MTUS1: variants seen among roughly 807,000 people sequenced by gnomAD.
MTUS1 encodes the protein microtubule associated scaffold protein 1.
Under a neutral mutation model 120.8 loss-of-function variants are expected in MTUS1, and 109 were observed. The ratio of observed to expected loss-of-function variants is 0.90; its 90% CI spans 0.77 to 1.06. MTUS1 has a LOEUF of 1.06. MTUS1 is among the 50% of genes least tolerant of loss of function. The probability of loss-of-function intolerance (pLI) is 0.00; values close to 1 mark genes in which losing one functional copy is unlikely to be tolerated. For synonymous variants in MTUS1, 737 were observed against 550.5 expected (o/e 1.34, Z -4.74); for missense variants, 2,210 against 1,486.3 (o/e 1.49, Z -8.01).
intron 3 of MTUS1, among the ~76,000 whole-genome samples, chr8:17,743,311 T>C (rs534459748): frequency 1.3e-5 from 2 of 152,270 alleles, no homozygotes; most frequent in South Asian, 4.1e-4. Context: ...TTGAAAAAAC[T>C]TAATGAAATG....
At chr8:17,703,748 C>G (rs1284135035) in intron 6 of MTUS1, among the ~76,000 whole-genome samples, 2 of 152,020 alleles carry the variant, frequency 1.3e-5, no homozygotes, top group Non-Finnish European at 2.9e-5. Context: ...CAGACCGGTT[C>G]TCTGCTCTCA....
At chr8:17,664,374 AGAT>A (rs1352623087) in intron 8 of MTUS1, among the ~76,000 whole-genome samples, 1 of 152,122 alleles carries the variant, frequency 6.6e-6, no homozygotes, top group Non-Finnish European at 1.5e-5. Flanking sequence ...CAGGAAAAAG[AGAT>A]GATTCCATTC....
At chr8:17,715,621 G>T (rs1667602804) in intron 5 of MTUS1, 146 bp downstream of exon 5, 1 of 879,476 alleles carries the variant, frequency 1.1e-6, no homozygotes, top group Non-Finnish European at 1.7e-6. Flanking sequence ...TTTCCTCAGT[G>T]CAAAAATGTA....
intron 8 of MTUS1, among the ~76,000 whole-genome samples, chr8:17,669,452 G>A (rs1811563895): frequency 6.6e-6 from 1 of 151,744 alleles, no homozygotes; most frequent in Non-Finnish European, 1.5e-5. Flanking sequence ...ACGTGAATTT[G>A]GACTGGAAGA....
intron 8 of MTUS1, among the ~76,000 whole-genome samples, chr8:17,666,714 A>G (rs1810990393): frequency 6.6e-6 from 1 of 152,222 alleles, no homozygotes; most frequent in East Asian, 1.9e-4. Flanking sequence ...ACCTGAGGAC[A>G]CTAGGGCCAG....
rs762374592 is a variant in MTUS1 at position 17,754,703 on chromosome 8, G to C, written c.1105C>G (p.His369Asp). 1 of 1,614,198 alleles carries C rather than the reference G, an allele frequency of 6.2e-7. No individual in the cohort carries two copies. Among genetic ancestry groups the C allele is most frequent in the Non-Finnish European group, 8.5e-7 (1 of 1,180,040 alleles). The change falls in exon 2 of 15, where the codon CAT (histidine) becomes GAT (aspartate). Residue 369 changes from histidine (H) to aspartate (D), a missense_variant. His to Asp is a moderately conservative substitution (Grantham distance 81, BLOSUM62 -1). Transcript: ENST00000693296. ...GTGTCTTCAGTCTCAGTGACTTTAT[G>C]CTCTGGGTTCAGCACTTGAGCTTCG... ...KSEAQVLNPE[H>D]KVTETEDTQM... is the part of the protein sequence containing the mutation.
At chr8:17,662,475 C>T (rs1165687035) in intron 8 of MTUS1, among the ~76,000 whole-genome samples, 2 of 151,326 alleles carry the variant, frequency 1.3e-5, no homozygotes, top group Admixed American at 6.6e-5. Flanking sequence ...CTTGCCACAG[C>T]CTCCCGAGTA....
intron 1 of MTUS1, among the ~76,000 whole-genome samples, chr8:17,763,901 C>A (rs2049250614): frequency 6.6e-6 from 1 of 151,862 alleles, no homozygotes. Flanking sequence ...TCTTATGTGA[C>A]CACACAGATG....
At chr8:17,656,756 G>A (rs1022136233) in intron 8 of MTUS1, among the ~76,000 whole-genome samples, 1 of 151,968 alleles carries the variant, frequency 6.6e-6, no homozygotes, top group Admixed American at 6.5e-5. Context: ...TCACACAAGA[G>A]CAGGAAAGAC....
At position 17,645,279 on chromosome 8, in the gene MTUS1, C is replaced by G. The variant is rs891642339; in HGVS notation, c.*647G>C. 6.6e-6 allele frequency: 1 copy of G among 152,620 alleles called. No homozygotes were observed. Among genetic ancestry groups the G allele is most frequent in the African/African-American group, 2.4e-5 (1 of 41,442 alleles). The allele number at this position is 152,620 out of a possible 1,614,324, so 9.5% of individuals were successfully genotyped here. A position where few individuals can be genotyped will look rare whatever the true frequency, so the allele number is the denominator to read the frequency against. On this transcript the variant is annotated 3_prime_UTR_variant, in exon 15 of 15. Coordinates refer to ENST00000693296, the MANE Select transcript of MTUS1 (RefSeq NM_001363059.2). ...AGACAGGGACAAGTCAAAGCTCTTCCTGTTATACCCTCTCCCTACCCTGTT... is the reference window on the plus strand; with the variant it reads ...AGACAGGGACAAGTCAAAGCTCTTCGTGTTATACCCTCTCCCTACCCTGTT...
At chr8:17,756,679 C>CCCCA (rs58787907) in intron 1 of MTUS1, among the ~76,000 whole-genome samples, 6 of 123,516 alleles carry the variant, frequency 4.9e-5, no homozygotes, top group African/African-American at 1.8e-4. Flanking sequence ...AAACCCCCAC[C>CCCCA]CCTTATGTAA....
chr8:17,797,934 C>A (rs2052378379), intron 1 of MTUS1, among the ~76,000 whole-genome samples: 1 of 152,092 alleles, frequency 6.6e-6, no homozygotes, highest in African/African-American at 2.4e-5. Context: ...TTCCCCCGCC[C>A]CCCCAAATAA....
intron 1 of MTUS1, among the ~76,000 whole-genome samples, chr8:17,790,540 T>C (rs552199624): frequency 2.0e-5 from 3 of 152,012 alleles, no homozygotes; most frequent in Non-Finnish European, 4.4e-5. Context: ...GAATTCATGA[T>C]TGTAATGATC....
intron 1 of MTUS1, among the ~76,000 whole-genome samples, chr8:17,788,156 T>G (rs2051464033): frequency 6.6e-6 from 1 of 152,110 alleles, no homozygotes; most frequent in African/African-American, 2.4e-5. Flanking sequence ...GATGGACACA[T>G]TCTGTATCTT....
At chr8:17,746,150 G>C (rs1021464520) in intron 2 of MTUS1, among the ~76,000 whole-genome samples, 2 of 152,086 alleles carry the variant, frequency 1.3e-5, no homozygotes, top group Admixed American at 6.5e-5. Context: ...GACTGATACA[G>C]CTAGTCTTCA....
rs543337681 is a variant in MTUS1, at chr8:17,687,442, C to T, written c.2624-2900G>A. ...TAAATCCTGCAGGATTCATTACTAA[C>T]GTGAAATTAGCATATTATCAGCCAA... On this transcript the variant is annotated intron_variant, in intron 6 of 14. Coordinates refer to ENST00000693296, the MANE Select transcript of MTUS1 (RefSeq NM_001363059.2). Among the ~76,000 whole-genome samples, 132 of 152,250 alleles carry T rather than the reference C, an allele frequency of 8.7e-4. 1 individual carries two copies. The highest frequency in any genetic ancestry group is 2.8e-3 in the African/African-American group (115 of 41,542).
chr8:17,663,509 A>T (rs1221712230), intron 8 of MTUS1, among the ~76,000 whole-genome samples: 1 of 152,228 alleles, frequency 6.6e-6, no homozygotes, highest in Non-Finnish European at 1.5e-5. Context: ...AGCCAAAATT[A>T]CTTGGGTTCA....
intron 2 of MTUS1, among the ~76,000 whole-genome samples, chr8:17,751,622 G>A (rs549473294): frequency 1.3e-5 from 2 of 152,062 alleles, no homozygotes; most frequent in Admixed American, 6.5e-5. Flanking sequence ...CACTTTGGGA[G>A]GCCGAGGCAG....
intron 1 of MTUS1, chr8:17,800,471 A>C (rs2052592674): frequency 6.6e-6 from 1 of 152,214 alleles, no homozygotes; most frequent in South Asian, 2.1e-4. Flanking sequence ...TCCTAGTCCC[A>C]AATTACTCCA....
Sources: gnomAD v4.1 joint callset for allele counts (sites outside exome capture counted in the v4.1 genomes callset) on GRCh38, gnomAD v4.1.1 for gene constraint, MANE v1.5 for transcripts, NCBI Gene and HGNC (gene_info 2026-07-23, HGNC 2026-07-21) for gene names.